The following ARL10 variants were observed in gnomAD, a reference collection of about 807,000 sequenced individuals.
The protein encoded by ARL10 is ADP-ribosylation factor-like protein 10.
ARL10 carries 23 observed loss-of-function variants against 26.1 expected under a neutral mutation model. The ratio of observed to expected loss-of-function variants is 0.88; its 90% CI spans 0.63 to 1.25. ARL10 has a LOEUF of 1.25. Among genes scored for constraint, ARL10 ranks in the 50% most tolerant of loss-of-function variants. The pLI is 0.00. For missense variants in ARL10, 300 were observed against 323.6 expected (o/e 0.93, Z 0.56); for synonymous variants, 138 against 149.1 (o/e 0.93, Z 0.54).
chr5:176,392,790 G>A (rs764415111), downstream of ARL10: 20 of 1,614,046 alleles, frequency 1.2e-5, no homozygotes, highest in East Asian at 2.2e-5. The surrounding 1 kb of genome is among the most constrained non-coding windows in gnomAD (Gnocchi z 5.2). Context: ...GGACAGTGGC[G>A]TCTGCTTCAG....
downstream of ARL10, chr5:176,406,661 C>T (rs1453646861): frequency 7.8e-7 from 1 of 1,289,302 alleles, no homozygotes; most frequent in Admixed American, 2.3e-5. Flanking sequence ...CGTCCTTAGG[C>T]TGTATTGGCA....
Position 176,371,717 on chromosome 5 carries a change from C to G in ARL10, c.562-5C>G. ...GCTGTGTTCGGACTTCTGTGTCTCA[C>G]CCAGGACCTGAGCGAGGCCATGAGT... On this transcript the variant is annotated splice_region_variant and splice_polypyrimidine_tract_variant and intron_variant, in intron 3 of 3. Coordinates refer to ENST00000310389, the MANE Select transcript of ARL10 (RefSeq NM_173664.6). The G allele has an allele frequency of 6.2e-7, 1 of 1,613,766 alleles. No homozygotes were observed. The highest frequency in any genetic ancestry group is 8.5e-7 in the Non-Finnish European group (1 of 1,179,752).
At chr5:176,388,787 G>C (rs752893961), downstream of ARL10, 5 of 1,603,866 alleles carry the variant, frequency 3.1e-6, no homozygotes, top group South Asian at 1.1e-5. Context: ...TGAGGTCGGA[G>C]TCCCGATTTT....
In ARL10 at chr5:176,365,659, C is replaced by T. The variant is rs781454696; in HGVS notation, c.96C>T (p.Phe32=). 2.3e-5 allele frequency: 29 copies of T among 1,250,810 alleles called. No homozygotes were observed. In the East Asian group the frequency reaches 8.8e-4, roughly 38 times the overall value. The allele number at this position is 1,250,810 out of a possible 1,614,324, so 77.5% of individuals were successfully genotyped here. A position where few individuals can be genotyped will look rare whatever the true frequency, so the allele number is the denominator to read the frequency against. ...TCTTCATCCTCTGGAAGACCTACTT[C>T]GGCCGCGGCCGAGAGCGGCGCTGGG... The part of the protein sequence containing the change: ...SVLFILWKTY[F]GRGRERRWDR... Residue 32 remains phenylalanine, a synonymous_variant, in exon 1 of 4, where the codon TTC becomes TTT. Coordinates refer to ENST00000310389, the MANE Select transcript of ARL10 (RefSeq NM_173664.6).
rs1042797919 is a variant in ARL10, at chr5:176,380,847, C to T, written c.*8952C>T. On this transcript the variant is annotated 3_prime_UTR_variant, in exon 4 of 4. Coordinates refer to ENST00000310389, the MANE Select transcript of ARL10 (RefSeq NM_173664.6). ...GTGGCGTGATCTCGGCTTACTGCAA[C>T]CTCTGCCTCCAGGGCACAAGAGATT... 6.6e-6 allele frequency: 1 copy of T among 152,160 alleles called. No individual in the cohort carries two copies. Among genetic ancestry groups the T allele is most frequent in the Non-Finnish European group, 1.5e-5 (1 of 68,122 alleles). 9.4% of individuals were successfully genotyped at this position (152,160 alleles called of 1,614,324 possible).
Position 176,372,177 on chromosome 5 carries a change from T to C in ARL10, c.*282T>C. 9.8e-7 allele frequency: 1 copy of C among 1,021,876 alleles called. No individual in the cohort carries two copies. The highest frequency in any genetic ancestry group is 1.3e-6 in the Non-Finnish European group (1 of 768,538). The allele number at this position is 1,021,876 out of a possible 1,614,324, so 63.3% of individuals were successfully genotyped here. On this transcript the variant is annotated 3_prime_UTR_variant, in exon 4 of 4. Transcript: ENST00000310389. Reference sequence around the variant, plus strand: ...ATGTGGATCCAGCTTTCCCTTCTCTTACCTGTACAGTGAGATGCTCAGTGG... The same window carrying C: ...ATGTGGATCCAGCTTTCCCTTCTCTCACCTGTACAGTGAGATGCTCAGTGG...
chr5:176,371,351 C>G (rs1440345762), intron 3 of ARL10, among the ~76,000 whole-genome samples: 1 of 152,206 alleles, frequency 6.6e-6, no homozygotes, highest in Non-Finnish European at 1.5e-5. Context: ...CCACTGCACT[C>G]CAGCCTGGGT....
the ARL10 span, among the ~76,000 whole-genome samples, chr5:176,409,207 C>A: frequency 6.6e-6 from 1 of 151,002 alleles, no homozygotes; most frequent in Non-Finnish European, 1.5e-5. Flanking sequence ...ATCTTCCAAC[C>A]TCATGATCCA....
chr5:176,396,604 G>A lies in ARL10; in HGVS notation c.134-5137G>A, dbSNP rs1295871227. On this transcript the variant is annotated intron_variant, in intron 1 of 1. Coordinates refer to the ARL10 transcript ENST00000514533. The stretch of plus-strand genomic sequence containing the variant: ...GGCAAGACAGACAGGCAGGCAGAAG[G>A]TTAGAGAGAGAGAGAGAGACAGCAT... 1.0e-5 allele frequency: 11 copies of A among 1,065,700 alleles called. No homozygotes were observed. In the African/African-American group the frequency reaches 1.4e-4, roughly 14 times the overall value. 66.0% of individuals were successfully genotyped at this position (1,065,700 alleles called of 1,614,324 possible).
rs566110710 is a variant in ARL10 at position 176,394,556 on chromosome 5, G to T, written c.134-7185G>T. Among the ~76,000 whole-genome samples the T allele has an allele frequency of 2.2e-3, 338 of 151,896 alleles. 3 individuals are homozygous for T. The highest frequency in any genetic ancestry group is 0.014 in the Middle Eastern group (4 of 294). On this transcript the variant is annotated intron_variant, in intron 1 of 1. Transcript: ENST00000514533. The stretch of plus-strand genomic sequence containing the variant: ...GGTGTGGCCAGGCGCGGTGGCTCAT[G>T]CCTGTAATCCCAGCACTTTGGGAGG...
chr5:176,397,944 C>T (rs1362435663), intron 1 of ARL10: 14 of 1,613,834 alleles, frequency 8.7e-6, no homozygotes, highest in Admixed American at 6.7e-5. Flanking sequence ...CTCTTGCAGC[C>T]GTTTCCTCTG....
At chr5:176,393,567 G>A (rs1258613895), downstream of ARL10, among the ~76,000 whole-genome samples, 1 of 152,134 alleles carries the variant, frequency 6.6e-6, no homozygotes, top group Non-Finnish European at 1.5e-5. The surrounding 1 kb of genome is among the most constrained non-coding windows in gnomAD (Gnocchi z 4.4). Context: ...TCCAAGGTGT[G>A]TATGTGATGG....
the ARL10 span, among the ~76,000 whole-genome samples, chr5:176,412,153 G>A: frequency 6.7e-5 from 10 of 148,648 alleles, no homozygotes; most frequent in Non-Finnish European, 1.3e-4. Context: ...TCCAGCCTGG[G>A]CGACAGAGTG....
chr5:176,386,932 G>C (rs1216046419), intron 1 of ARL10: 2 of 1,607,160 alleles, frequency 1.2e-6, no homozygotes, highest in Non-Finnish European at 8.5e-7. Flanking sequence ...GAGCCCTTGA[G>C]ACCAGAAGGA....
At chr5:176,395,395 C>A (rs1756470959) in intron 1 of ARL10, among the ~76,000 whole-genome samples, 1 of 152,130 alleles carries the variant, frequency 6.6e-6, no homozygotes, top group South Asian at 2.1e-4. Context: ...GGGTGTCTTA[C>A]CAATCTGGCA....
At chr5:176,389,189 G>T, downstream of ARL10, 1 of 1,112,852 alleles carries the variant, frequency 9.0e-7, no homozygotes, top group South Asian at 1.5e-5. Context: ...CTGTAACTAG[G>T]AAGACCTCGA....
Position 176,371,796 on chromosome 5 carries a change from G to A in ARL10, c.636G>A (p.Glu212=), listed in dbSNP as rs763802432. ...TACAGGCTATCGATAACCAGCGGGA[G>A]GTTTTCCTCTTGGCAGCCAGCATTG... ...LGLQAIDNQR[E]VFLLAASIAP... is the part of the protein sequence containing the mutation. Residue 212 remains glutamate, a synonymous_variant, in exon 4 of 4, where the codon GAG becomes GAA. Coordinates refer to ENST00000310389, the MANE Select transcript of ARL10 (RefSeq NM_173664.6). The A allele has an allele frequency of 1.4e-5, 22 of 1,614,114 alleles. No homozygotes were observed. Among genetic ancestry groups the A allele is most frequent in the South Asian group, 2.2e-5 (2 of 91,094 alleles).
At chr5:176,401,695 A>G (rs1306294945) in intron 1 of ARL10, 4 of 456,096 alleles carry the variant, frequency 8.8e-6, no homozygotes, top group African/African-American at 6.0e-5. Flanking sequence ...TGTGTTGCAC[A>G]GCATTTTCAC....
At chr5:176,388,504 C>G in exon 2 of ARL10, 1 of 1,613,960 alleles carries the variant, frequency 6.2e-7, no homozygotes, top group Non-Finnish European at 8.5e-7. Flanking sequence ...TGTAACCAAA[C>G]TTCTGCCTCC....
Sources: allele counts gnomAD v4.1 joint callset (sites outside exome capture counted in the v4.1 genomes callset), GRCh38; gene constraint gnomAD v4.1.1; non-coding constraint Gnocchi (gnomAD v3.1); transcripts MANE v1.5; gene names NCBI Gene and HGNC (gene_info 2026-07-23, HGNC 2026-07-21).